Variants in ZNF365 observed in about 807,000 individuals in gnomAD.
ZNF365 encodes protein ZNF365.
ZNF365 carries 22 observed loss-of-function variants against 35.0 expected under a neutral mutation model. The ratio of observed to expected loss-of-function variants is 0.63; its 90% confidence interval spans 0.45 to 0.90. The LOEUF is 0.90. ZNF365 is among the 40% of genes least tolerant of loss of function. The probability of loss-of-function intolerance (pLI) is 0.00; values close to 1 mark genes in which losing one functional copy is unlikely to be tolerated. For synonymous variants in ZNF365, 188 were observed against 196.2 expected, an observed-to-expected ratio of 0.96 and a Z score of 0.35; for missense variants, 448 against 500.3, an observed-to-expected ratio of 0.90 and a Z score of 1.00.
rs141335684 is a variant in ZNF365, at chr10:62,469,422, A to G, written c.981+9625A>G. ...AAAGGGCACCCATTTTACTTCAGTT[A>G]GTAATGTAAAAAAAGACTGCACTGA... On this transcript the variant is annotated intron_variant, in intron 4 of 4. Transcript: ENST00000395255. 1.1e-3 allele frequency among the ~76,000 whole-genome samples: 171 copies of G among 152,322 alleles called. No individual in the cohort carries two copies. The East Asian group carries it at 0.013, about 11-fold the overall frequency.
At chr10:62,381,499 C>T (rs3852423) in intron 2 of ZNF365, among the ~76,000 whole-genome samples, 142,342 of 150,966 alleles carry the variant, frequency 0.94, 67,614 homozygotes, top group Non-Finnish European at 1. Context: ...ATTTTTTTTT[C>T]CCCCAAAGCG....
At chr10:62,379,778 G>C (rs540793709) in intron 2 of ZNF365, among the ~76,000 whole-genome samples, 1 of 152,338 alleles carries the variant, frequency 6.6e-6, no homozygotes, top group South Asian at 2.1e-4. Context: ...ACCTCAGAGA[G>C]CTGTTGCTTC....
chr10:62,472,743 C>T (rs1253396316), intron 4 of ZNF365, among the ~76,000 whole-genome samples: 1 of 152,172 alleles, frequency 6.6e-6, no homozygotes, highest in Middle Eastern at 3.2e-3. Flanking sequence ...ATATACTTTC[C>T]TTGCCTATTT....
rs1015511025 is a variant in ZNF365 at position 62,424,338 on chromosome 10, T to A, written c.925-35403T>A. ...TGCAGGCACCAGTACCATGTCCAGC[T>A]CTTCTCAACCAGGGTTTTAGGAGAG... On this transcript the variant is annotated intron_variant, in intron 3 of 4. Coordinates refer to the ZNF365 transcript ENST00000395255. Among the ~76,000 whole-genome samples, 5 of 152,278 alleles carry A rather than the reference T, an allele frequency of 3.3e-5. No homozygotes were observed. The East Asian group carries it at 9.6e-4, about 29-fold the overall frequency.
intron 3 of ZNF365, among the ~76,000 whole-genome samples, chr10:62,389,037 A>G (rs1839577409): frequency 6.6e-6 from 1 of 152,122 alleles, no homozygotes; most frequent in Non-Finnish European, 1.5e-5. Context: ...CAGTCTCTAT[A>G]AGTTAAAATT....
At chr10:62,456,195 C>G (rs890563450) in intron 3 of ZNF365, among the ~76,000 whole-genome samples, 6 of 152,020 alleles carry the variant, frequency 3.9e-5, no homozygotes, top group Non-Finnish European at 5.9e-5. Context: ...TGACCAACTG[C>G]TGCTAGTGGC....
intron 3 of ZNF365, among the ~76,000 whole-genome samples, chr10:62,444,344 T>C (rs1364659591): frequency 6.6e-6 from 1 of 152,168 alleles, no homozygotes. Flanking sequence ...GAGAGGTCAG[T>C]GTATAACTTC....
intron 3 of ZNF365, among the ~76,000 whole-genome samples, chr10:62,447,603 C>T (rs1436516230): frequency 6.6e-6 from 1 of 152,220 alleles, no homozygotes; most frequent in Non-Finnish European, 1.5e-5. Flanking sequence ...GGACTCAGAA[C>T]CTACCATTCA....
At position 62,376,440 on chromosome 10, in the gene ZNF365, G is replaced by A. The variant is rs1489873256; in HGVS notation, c.247G>A (p.Gly83Arg). ...CACTTCCTCAGAACTCCTGAAACCG[G>A]GAAAATTGCAGAGCAGTGGCAACGT... is the stretch of plus-strand genomic sequence containing the variant. ...LVTSSELLKP[G>R]KLQSSGNVVK... The change falls in exon 2 of 5, where the codon GGA becomes AGA. Residue 83 changes from glycine (G) to arginine (R), a missense_variant. By Grantham distance (125) the Gly-to-Arg change is moderately radical (BLOSUM62 -2). This residue lies in a region of ZNF365 where 76 missense variants were observed against 96.7 expected (regional missense o/e 0.79). Transcript: ENST00000395254. 1 of 1,614,134 alleles carries A rather than the reference G, an allele frequency of 6.2e-7. No homozygotes were observed.
At chr10:62,432,180 C>T (rs1352239493) in intron 3 of ZNF365, among the ~76,000 whole-genome samples, 3 of 152,194 alleles carry the variant, frequency 2.0e-5, no homozygotes, top group Admixed American at 2.0e-4. Flanking sequence ...GCCCTGTGAA[C>T]ATGGGCTCTG....
At chr10:62,436,077 CT>C (rs1840402325) in intron 3 of ZNF365, among the ~76,000 whole-genome samples, 1 of 152,002 alleles carries the variant, frequency 6.6e-6, no homozygotes, top group Non-Finnish European at 1.5e-5. Flanking sequence ...TGTTACTTTT[CT>C]TTCTTATTCA....
chr10:62,413,763 A>C (rs577790247), intron 3 of ZNF365, among the ~76,000 whole-genome samples: 1 of 152,342 alleles, frequency 6.6e-6, no homozygotes, highest in East Asian at 1.9e-4. Flanking sequence ...ATTCACCACG[A>C]GAAGCAGAGG....
intron 3 of ZNF365, among the ~76,000 whole-genome samples, chr10:62,446,821 T>C (rs1840597445): frequency 6.6e-6 from 1 of 152,246 alleles, no homozygotes; most frequent in African/African-American, 2.4e-5. Flanking sequence ...CCTGGGACTG[T>C]CAGGAGCGGC....
chr10:62,425,646 A>T (rs1840239785), intron 3 of ZNF365, among the ~76,000 whole-genome samples: 1 of 152,192 alleles, frequency 6.6e-6, no homozygotes, highest in Admixed American at 6.6e-5. Flanking sequence ...TGACCTGTGA[A>T]GCCTTTGGGT....
chr10:62,462,262 A>ACTTT (rs1840860216), intron 4 of ZNF365, among the ~76,000 whole-genome samples: 3 of 152,228 alleles, frequency 2.0e-5, no homozygotes. Context: ...TATGTTTTAC[A>ACTTT]CTTTCTCTTC....
intron 3 of ZNF365, among the ~76,000 whole-genome samples, chr10:62,411,589 G>A (rs146549301): frequency 1.4e-3 from 216 of 152,156 alleles, no homozygotes; most frequent in Admixed American, 2.7e-3. Flanking sequence ...AATGGTTGCA[G>A]CTGAGTAGTC....
chr10:62,462,868 A>G (rs957018612), intron 4 of ZNF365, among the ~76,000 whole-genome samples: 2 of 152,226 alleles, frequency 1.3e-5, no homozygotes, highest in African/African-American at 4.8e-5. Flanking sequence ...CTAATGGGAA[A>G]GATTTGCTGA....
chr10:62,457,550 T>C (rs1344454119), intron 3 of ZNF365, among the ~76,000 whole-genome samples: 3 of 152,208 alleles, frequency 2.0e-5, no homozygotes, highest in African/African-American at 7.2e-5. Flanking sequence ...GGGAAATGGA[T>C]GTGAGATGGC....
downstream of ZNF365, among the ~76,000 whole-genome samples, chr10:62,404,917 C>T (rs979875230): frequency 3.3e-5 from 5 of 152,162 alleles, no homozygotes; most frequent in Non-Finnish European, 5.9e-5. Flanking sequence ...AAAGATAACA[C>T]GCACCCATAT....
Sources: gnomAD v4.1 joint callset for allele counts (sites outside exome capture counted in the v4.1 genomes callset) on GRCh38, gnomAD v4.1.1 for gene constraint, gnomAD v4.1.1 regional missense constraint, MANE v1.5 for transcripts, NCBI Gene and HGNC (gene_info 2026-07-23, HGNC 2026-07-21) for gene names.